Variants in ZNF611 observed in about 807,000 individuals in gnomAD.
ZNF611 encodes zinc finger protein 611.
ZNF611 carries 6 observed loss-of-function variants against 8.9 expected under a neutral mutation model. The ratio of observed to expected loss-of-function variants is 0.68; its 90% CI spans 0.37 to 1.34. The LOEUF (loss-of-function observed/expected upper bound fraction) is 1.34. Among genes scored for constraint, ZNF611 ranks in the 40% most tolerant of loss-of-function variants. The pLI is 0.02. For missense variants in ZNF611, 874 were observed against 841.3 expected, an observed-to-expected ratio of 1.04 and a Z score of -0.48; for synonymous variants, 262 against 279.7, an observed-to-expected ratio of 0.94 and a Z score of 0.63.
intron 1 of ZNF611, among the ~76,000 whole-genome samples, chr19:52,733,215 G>T (rs7246731): frequency 6.6e-6 from 1 of 152,078 alleles, no homozygotes; most frequent in Non-Finnish European, 1.5e-5. Flanking sequence ...CAAGTTTTTA[G>T]TTATTAGATT....
chr19:52,707,921 G>A (rs1763074980), intron 5 of ZNF611, among the ~76,000 whole-genome samples: 1 of 152,052 alleles, frequency 6.6e-6, no homozygotes, highest in Non-Finnish European at 1.5e-5. Context: ...GTGAGCCACT[G>A]CACCTGGTGG....
intron 3 of ZNF611, among the ~76,000 whole-genome samples, chr19:52,727,108 C>T (rs922420052): frequency 2.0e-5 from 3 of 151,734 alleles, no homozygotes; most frequent in Non-Finnish European, 4.4e-5. Context: ...TCAAGTGATC[C>T]GCCTGCCTTG....
At chr19:52,730,384 T>A (rs2062417907) in intron 1 of ZNF611, among the ~76,000 whole-genome samples, 1 of 91,082 alleles carries the variant, frequency 1.1e-5, no homozygotes, top group African/African-American at 4.6e-5. Context: ...AGAGCCAGAC[T>A]CCGTCTCAAA....
intron 3 of ZNF611, among the ~76,000 whole-genome samples, chr19:52,719,713 T>C (rs1240082678): frequency 6.6e-6 from 1 of 152,228 alleles, no homozygotes; most frequent in Non-Finnish European, 1.5e-5. Flanking sequence ...CATTTCCCCC[T>C]GGACTTCTGC....
chr19:52,721,450 G>A lies in ZNF611; in HGVS notation c.-19-5537C>T, dbSNP rs767907785. On this transcript the variant is annotated intron_variant, in intron 3 of 5. Transcript: ENST00000652185. ...TCCCGGCACCTCGGGAGGCCAAGGC[G>A]GGCAAATCACTGGAGGTCAGGGGTT... 1.1e-4 allele frequency among the ~76,000 whole-genome samples: 17 copies of A among 152,342 alleles called. No homozygotes were observed. The South Asian group carries it at 1.4e-3, about 13-fold the overall frequency.
intron 5 of ZNF611, among the ~76,000 whole-genome samples, chr19:52,710,050 CTA>C (rs1348439700): frequency 6.6e-6 from 1 of 152,056 alleles, no homozygotes; most frequent in Non-Finnish European, 1.5e-5. Flanking sequence ...CAACAAATTT[CTA>C]TGTCTTAAGC....
chr19:52,709,716 T>C (rs113450583), intron 5 of ZNF611, among the ~76,000 whole-genome samples: 2,947 of 152,134 alleles, frequency 0.019, 97 homozygotes, highest in African/African-American at 0.067. Context: ...TACAGGCATG[T>C]GCCACCACTC....
chr19:52,732,337 TTATTCTGAATAACTCACAG>T (rs1210116707), intron 1 of ZNF611, among the ~76,000 whole-genome samples: 2 of 136,602 alleles, frequency 1.5e-5, no homozygotes, highest in East Asian at 2.0e-4. Flanking sequence ...CAGTATTGAG[TTATTCTGAATAACTCACAG>T]TATTGAGTTA....
At chr19:52,707,775 C>CA (rs2062255078) in intron 5 of ZNF611, among the ~76,000 whole-genome samples, 1 of 151,782 alleles carries the variant, frequency 6.6e-6, no homozygotes, top group South Asian at 2.1e-4. Context: ...GCTTGGACTA[C>CA]AGGCATGCAC....
intron 5 of ZNF611, chr19:52,708,619 T>C (rs2062260223): frequency 6.6e-6 from 1 of 152,160 alleles, no homozygotes; most frequent in Non-Finnish European, 1.5e-5. Context: ...ATGTGGATCA[T>C]GAGGTCAGGA....
intron 3 of ZNF611, among the ~76,000 whole-genome samples, chr19:52,725,371 C>A (rs771130850): frequency 2.0e-5 from 3 of 152,172 alleles, no homozygotes; most frequent in Non-Finnish European, 4.4e-5. Context: ...GCGCTGCGCT[C>A]CAGGGGAGGC....
intron 1 of ZNF611, among the ~76,000 whole-genome samples, chr19:52,730,341 G>A (rs564360698): frequency 3.8e-4 from 51 of 133,926 alleles, no homozygotes; most frequent in African/African-American, 1.4e-3. Flanking sequence ...GCAGTGAGCC[G>A]AGATTGCATC....
In ZNF611 at chr19:52,705,065, G is replaced by A. The variant is rs371086322; in HGVS notation, c.1990C>T (p.Leu664Phe). 4.3e-6 allele frequency: 7 copies of A among 1,614,064 alleles called. No homozygotes were observed. Among genetic ancestry groups the A allele is most frequent in the Admixed American group, 1.7e-5 (1 of 60,018 alleles). Reference sequence around the variant, plus strand: ...TGAATTCTGGTATGTCTTGACAGGAGTGAATTACGCACGAAAGCCTTGTCA... The same window carrying A: ...TGAATTCTGGTATGTCTTGACAGGAATGAATTACGCACGAAAGCCTTGTCA... ...ICDKAFVRNS[L>F]LSRHTRIHTA... The change falls in exon 6 of 6, where the codon CTC becomes TTC. Residue 664 changes from leucine to phenylalanine, a missense_variant. Leu to Phe is a conservative substitution (Grantham distance 22). Transcript: ENST00000652185.
intron 1 of ZNF611, among the ~76,000 whole-genome samples, chr19:52,733,056 G>C (rs1056082251): frequency 6.6e-6 from 1 of 152,132 alleles, no homozygotes; most frequent in African/African-American, 2.4e-5. Flanking sequence ...AGGAAAAGGG[G>C]AGACAGTGAT....
chr19:52,707,916 C>T lies in ZNF611; in HGVS notation c.191-1052G>A, dbSNP rs1264349669. 3.9e-5 allele frequency among the ~76,000 whole-genome samples: 6 copies of T among 151,968 alleles called. No individual in the cohort carries two copies. In the East Asian group the frequency reaches 1.2e-3, roughly 29 times the overall value. The stretch of plus-strand genomic sequence containing the variant: ...AAAGTTCTGGGATTACAGGTGTGAG[C>T]CACTGCACCTGGTGGCACTTTGTGA... On this transcript the variant is annotated intron_variant, in intron 5 of 5. Coordinates refer to ENST00000652185, the MANE Select transcript of ZNF611 (RefSeq NM_001161499.2).
At position 52,714,703 on chromosome 19, in the gene ZNF611, ACAAAAC is replaced by A. The variant is rs1217719135; in HGVS notation, c.64-568_64-563del. Reference sequence around the variant, plus strand: ...ACTCCATCTCAAAAAACAAAACAAAACAAAACAAAAAAACAATGCCGGGCAGTGACT... The same window carrying A: ...ACTCCATCTCAAAAAACAAAACAAAAAAAAAAACAATGCCGGGCAGTGACT... On this transcript the variant is annotated intron_variant, in intron 4 of 5. Coordinates refer to ENST00000652185, the MANE Select transcript of ZNF611 (RefSeq NM_001161499.2). 8.3e-5 allele frequency among the ~76,000 whole-genome samples: 6 copies of A among 72,266 alleles called. 1 individual carries two copies. The South Asian group carries it at 1.7e-3, about 21-fold the overall frequency. 47.4% of individuals were successfully genotyped at this position (72,266 alleles called of 152,430 possible).
chr19:52,727,697 G>A (rs1176499664), intron 3 of ZNF611, among the ~76,000 whole-genome samples: 3 of 152,158 alleles, frequency 2.0e-5, no homozygotes, highest in African/African-American at 4.8e-5. Context: ...GCATATCAAT[G>A]TATTGGGATT....
intron 3 of ZNF611, chr19:52,724,617 C>T (rs2062380184): frequency 6.6e-6 from 1 of 152,124 alleles, no homozygotes; most frequent in African/African-American, 2.4e-5. Context: ...TATATTACCG[C>T]CTCTTCTCTT....
intron 3 of ZNF611, among the ~76,000 whole-genome samples, chr19:52,719,143 T>C (rs1351500978): frequency 6.6e-6 from 1 of 152,050 alleles, no homozygotes; most frequent in Non-Finnish European, 1.5e-5. Context: ...CACTCCAGCT[T>C]GCCTGACAGA....
Sources: gnomAD v4.1 joint callset for allele counts (sites outside exome capture counted in the v4.1 genomes callset) on GRCh38, gnomAD v4.1.1 for gene constraint, MANE v1.5 for transcripts, NCBI Gene and HGNC (gene_info 2026-07-23, HGNC 2026-07-21) for gene names.